Variants in RANBP17 observed in about 807,000 individuals in gnomAD.
The protein encoded by RANBP17 is RAN binding protein 17.
In RANBP17, 158 loss-of-function variants were observed where a neutral mutation model predicts 141.2. The observed-to-expected ratio is 1.12, with a 90% CI of 0.98 to 1.28. The LOEUF is 1.28. Among genes scored for constraint, RANBP17 ranks in the 50% most tolerant of loss-of-function variants. RANBP17 has a pLI of 0.00. For synonymous variants in RANBP17, 430 were observed against 450.0 expected, an observed-to-expected ratio of 0.96 and a Z score of 0.56; for missense variants, 1,438 against 1,290.7, an observed-to-expected ratio of 1.11 and a Z score of -1.75.
chr5:171,121,181 A>T (rs1435800761), intron 14 of RANBP17, among the ~76,000 whole-genome samples: 1 of 152,186 alleles, frequency 6.6e-6, no homozygotes, highest in Non-Finnish European at 1.5e-5. Flanking sequence ...TGTTACTCTG[A>T]CCAGGAGCAT....
At chr5:171,048,774 C>G (rs1297599555) in intron 14 of RANBP17, among the ~76,000 whole-genome samples, 1 of 152,080 alleles carries the variant, frequency 6.6e-6, no homozygotes, top group Non-Finnish European at 1.5e-5. Context: ...GGATAATGGC[C>G]TCAAGATCCA....
intron 5 of RANBP17, among the ~76,000 whole-genome samples, chr5:170,902,629 G>C (rs571804988): frequency 6.6e-6 from 1 of 152,192 alleles, no homozygotes; most frequent in East Asian, 1.9e-4. Context: ...CAGCCTTTTT[G>C]CACTGGTTTT....
chr5:171,252,189 T>A (rs1765616184), intron 24 of RANBP17: 1 of 1,581,958 alleles, frequency 6.3e-7, no homozygotes, highest in African/African-American at 1.4e-5. Context: ...AGATCCCCCA[T>A]GAATTCTTAA....
intron 6 of RANBP17, 34 bp from the exon 7 acceptor site, chr5:170,910,935 C>T (rs369643729): frequency 1.4e-4 from 224 of 1,589,924 alleles, no homozygotes; most frequent in African/African-American, 7.8e-4. Flanking sequence ...TGATGTATTT[C>T]GCAGTGTTTT....
At chr5:171,166,631 G>A (rs1339314330) in intron 14 of RANBP17, among the ~76,000 whole-genome samples, 1 of 152,064 alleles carries the variant, frequency 6.6e-6, no homozygotes, top group African/African-American at 2.4e-5. Context: ...GATGATAAAC[G>A]ATTTTGTAGG....
chr5:171,262,398 A>G (rs1766392836), intron 24 of RANBP17, among the ~76,000 whole-genome samples: 1 of 152,212 alleles, frequency 6.6e-6, no homozygotes, highest in South Asian at 2.1e-4. Context: ...TCCCTTTTCT[A>G]CAAAGTAACC....
chr5:171,213,664 T>C lies in RANBP17; in HGVS notation c.2265T>C (p.Ala755=). Residue 755 remains alanine, a synonymous_variant, in exon 21 of 28, where the codon GCT becomes GCC. Coordinates refer to ENST00000523189, the MANE Select transcript of RANBP17 (RefSeq NM_022897.5). ...CGTACCTTCCCCTTCTTCAGAATGC[T>C]GTTGAACGGTGGTATGGAGAGCCAA... The part of the protein sequence containing the change: ...YPTYLPLLQN[A]VERWYGEPTC... 6.2e-7 allele frequency: 1 copy of C among 1,613,880 alleles called. No homozygotes were observed. The highest frequency in any genetic ancestry group is 8.5e-7 in the Non-Finnish European group (1 of 1,179,764).
chr5:171,083,186 C>T (rs527683524), intron 14 of RANBP17, among the ~76,000 whole-genome samples: 19 of 152,166 alleles, frequency 1.2e-4, no homozygotes, highest in Middle Eastern at 3.4e-3. Context: ...TTTGTGTGCC[C>T]TCAACATTCA....
intron 14 of RANBP17, among the ~76,000 whole-genome samples, chr5:170,998,031 C>T (rs1778938902): frequency 6.6e-6 from 1 of 150,874 alleles, no homozygotes; most frequent in Admixed American, 6.6e-5. Context: ...GGGCGGATCA[C>T]ATGAGGCCAG....
At chr5:171,016,791 A>T (rs915304270) in intron 14 of RANBP17, among the ~76,000 whole-genome samples, 1 of 145,516 alleles carries the variant, frequency 6.9e-6, no homozygotes, top group Admixed American at 6.8e-5. Context: ...TGTCTTCTTT[A>T]AAAAAAAAAG....
chr5:170,897,357 TTC>T (rs919762560), intron 5 of RANBP17: 14 of 509,092 alleles, frequency 2.7e-5, no homozygotes, highest in South Asian at 6.8e-5. Context: ...CTTCTTCTTC[TTC>T]TTTTTTTTTT....
chr5:171,202,269 C>G (rs1762339808), intron 19 of RANBP17, among the ~76,000 whole-genome samples: 1 of 152,112 alleles, frequency 6.6e-6, no homozygotes, highest in Non-Finnish European at 1.5e-5. Flanking sequence ...CAAATCCTAG[C>G]TTTAGAGTAC....
At chr5:170,944,564 A>T (rs1343166005) in intron 12 of RANBP17, among the ~76,000 whole-genome samples, 1 of 152,200 alleles carries the variant, frequency 6.6e-6, no homozygotes, top group African/African-American at 2.4e-5. Context: ...CACTGCAACC[A>T]GCTCCAATAA....
chr5:170,896,165 C>T, intron 5 of RANBP17, 50 bp downstream of exon 5: 1 of 1,278,374 alleles, frequency 7.8e-7, no homozygotes, highest in South Asian at 1.3e-5. Context: ...TTAAGTAATG[C>T]TGTTTCTTTT....
At chr5:171,204,491 T>C (rs1475049451) in intron 19 of RANBP17, among the ~76,000 whole-genome samples, 1 of 152,144 alleles carries the variant, frequency 6.6e-6, no homozygotes, top group African/African-American at 2.4e-5. Context: ...GAAAATCTGG[T>C]AGAAAAAAAA....
At chr5:170,908,513 A>G (rs1771255663) in intron 5 of RANBP17, among the ~76,000 whole-genome samples, 1 of 151,394 alleles carries the variant, frequency 6.6e-6, no homozygotes, top group Admixed American at 6.6e-5. Context: ...GGACTACTAG[A>G]TAGGGGAGAG....
chr5:171,036,802 G>T (rs1008178986), intron 14 of RANBP17, among the ~76,000 whole-genome samples: 2 of 152,136 alleles, frequency 1.3e-5, no homozygotes, highest in African/African-American at 4.8e-5. Context: ...GTATTCCATG[G>T]TGTATATGTA....
intron 1 of RANBP17, among the ~76,000 whole-genome samples, chr5:170,870,331 G>A (rs570556279): frequency 3.3e-5 from 5 of 152,146 alleles, no homozygotes; most frequent in Admixed American, 2.0e-4. Flanking sequence ...ATTAAGCTCT[G>A]CAGGCATTAG....
At chr5:171,188,201 C>T (rs1257233325) in intron 18 of RANBP17, among the ~76,000 whole-genome samples, 2 of 152,194 alleles carry the variant, frequency 1.3e-5, no homozygotes, top group African/African-American at 2.4e-5. Context: ...ACAACTAGGG[C>T]TGGAGGCAAA....
Sources: allele counts gnomAD v4.1 joint callset (sites outside exome capture counted in the v4.1 genomes callset), GRCh38; gene constraint gnomAD v4.1.1; transcripts MANE v1.5; gene names NCBI Gene and HGNC (gene_info 2026-07-23, HGNC 2026-07-21).